The following PCDH15 variants were observed in gnomAD, a reference collection of about 807,000 sequenced individuals.
PCDH15 encodes protocadherin related 15.
A neutral mutation model predicts 178.5 loss-of-function variants in PCDH15; 129 were observed. The ratio of observed to expected loss-of-function variants is 0.72; its 90% CI spans 0.63 to 0.84. The LOEUF is 0.84. Among genes scored for constraint, PCDH15 ranks in the 40% least tolerant of loss-of-function variants. PCDH15 has a pLI of 0.00. For missense variants in PCDH15, 2,230 were observed against 2,099.9 expected (o/e 1.06, Z -1.21); for synonymous variants, 800 against 732.0 (o/e 1.09, Z -1.50).
At position 53,866,814 on chromosome 10, in the gene PCDH15, CTGTAGGCCATGACA is replaced by C; in HGVS notation, c.3531_3544del (p.Ser1177ArgfsTer8). 2 of 1,613,048 alleles carry C rather than the reference CTGTAGGCCATGACA, an allele frequency of 1.2e-6. No individual in the cohort carries two copies. Among genetic ancestry groups the C allele is most frequent in the Non-Finnish European group, 1.7e-6 (2 of 1,179,384 alleles). On this transcript the variant is annotated frameshift_variant, in exon 27 of 38. Coordinates refer to ENST00000644397, the MANE Select transcript of PCDH15 (RefSeq NM_001384140.1). LOFTEE classifies it high-confidence loss of function. ...CTCTTTAATTGGTGGTATTATGAGT[CTGTAGGCCATGACA>C]CTATAATTGCCAGTATCTTTATCAG...
chr10:54,218,315 C>A (rs2052344081), intron 9 of PCDH15, among the ~76,000 whole-genome samples: 1 of 152,098 alleles, frequency 6.6e-6, no homozygotes. Context: ...ACATACATAC[C>A]ACTCAATAGA....
At chr10:55,551,999 C>T (rs1390632256) in intron 2 of PCDH15, among the ~76,000 whole-genome samples, 1 of 151,638 alleles carries the variant, frequency 6.6e-6, no homozygotes, top group Non-Finnish European at 1.5e-5. Flanking sequence ...CACATCTAAA[C>T]TCTCGCTAAA....
intron 9 of PCDH15, among the ~76,000 whole-genome samples, chr10:54,218,240 T>C (rs1311529190): frequency 6.6e-6 from 1 of 152,140 alleles, no homozygotes; most frequent in East Asian, 1.9e-4. Context: ...CAACCCCTCA[T>C]AAATGAATGG....
chr10:53,830,029 C>T (rs865784303), intron 30 of PCDH15, among the ~76,000 whole-genome samples: 13 of 152,188 alleles, frequency 8.5e-5, no homozygotes, highest in South Asian at 4.1e-4. Context: ...ATTGGCTGGG[C>T]GCGGTGGCTC....
intron 18 of PCDH15, among the ~76,000 whole-genome samples, chr10:54,055,631 T>C (rs1362657881): frequency 2.0e-5 from 3 of 152,150 alleles, no homozygotes; most frequent in African/African-American, 7.2e-5. Context: ...CAGACACCTC[T>C]GATATTAGCT....
intron 3 of PCDH15, among the ~76,000 whole-genome samples, chr10:54,417,338 C>G (rs1612430): frequency 6.6e-6 from 1 of 151,870 alleles, no homozygotes; most frequent in African/African-American, 2.4e-5. Flanking sequence ...TTTTCTCTCA[C>G]AGAAGAGGTC....
intron 8 of PCDH15, among the ~76,000 whole-genome samples, chr10:54,277,029 G>A (rs1043153106): frequency 6.6e-6 from 1 of 151,542 alleles, no homozygotes; most frequent in Non-Finnish European, 1.5e-5. Context: ...AAGAGCTGGT[G>A]GAAATTCAGC....
In PCDH15 at chr10:54,753,888, GTT is replaced by G. The variant is rs1946679726; in HGVS notation, c.-29+47035_-29+47036del. 5.5e-4 allele frequency among the ~76,000 whole-genome samples: 20 copies of G among 36,446 alleles called. No individual in the cohort carries two copies. In the South Asian group the frequency reaches 0.014, roughly 26 times the overall value. 23.9% of individuals were successfully genotyped at this position (36,446 alleles called of 152,430 possible). Reference sequence around the variant, plus strand: ...TTTTTTTGTTGTTGTTTTTTTGTTTGTTTGTGTTTTTTTTTTTTTTTTTGAGA... The same window carrying G: ...TTTTTTTGTTGTTGTTTTTTTGTTTGTGTGTTTTTTTTTTTTTTTTTGAGA... On this transcript the variant is annotated intron_variant, in intron 1 of 37. Transcript: ENST00000644397.
intron 21 of PCDH15, among the ~76,000 whole-genome samples, chr10:53,963,484 C>G (rs1474079551): frequency 6.6e-6 from 1 of 152,056 alleles, no homozygotes; most frequent in East Asian, 1.9e-4. Flanking sequence ...ACTCTCGGCC[C>G]CTGGAACCTC....
At chr10:55,427,838 ATTGAT>A (rs1338796207) in intron 2 of PCDH15, among the ~76,000 whole-genome samples, 1 of 152,120 alleles carries the variant, frequency 6.6e-6, no homozygotes, top group Non-Finnish European at 1.5e-5. Context: ...TCACAGTTTT[ATTGAT>A]TTAACTCTCA....
chr10:54,378,974 AT>A, intron 3 of PCDH15, 32 bp from the exon 4 acceptor site: 4 of 1,611,134 alleles, frequency 2.5e-6, no homozygotes, highest in Non-Finnish European at 3.4e-6. Context: ...TTGAAAACAT[AT>A]TCTACTCATA....
At chr10:54,633,710 G>A (rs1453106082) in intron 2 of PCDH15, among the ~76,000 whole-genome samples, 3 of 152,102 alleles carry the variant, frequency 2.0e-5, no homozygotes, top group Non-Finnish European at 2.9e-5. Flanking sequence ...GGAAATGGGA[G>A]TCTTCGTAAT....
At chr10:55,092,367 C>A (rs1008096308) in intron 2 of PCDH15, among the ~76,000 whole-genome samples, 23 of 151,812 alleles carry the variant, frequency 1.5e-4, no homozygotes, top group African/African-American at 3.1e-4. Flanking sequence ...TTTTTAAGAG[C>A]AGCTTGTGAG....
At chr10:54,372,991 A>G (rs1366982023) in intron 4 of PCDH15, among the ~76,000 whole-genome samples, 3 of 151,836 alleles carry the variant, frequency 2.0e-5, no homozygotes, top group African/African-American at 7.2e-5. Flanking sequence ...TCCCACAAAA[A>G]TGTAAAAATT....
At chr10:53,980,270 GT>G in intron 21 of PCDH15, among the ~76,000 whole-genome samples, 1 of 151,768 alleles carries the variant, frequency 6.6e-6, no homozygotes, top group Non-Finnish European at 1.5e-5. Flanking sequence ...TGAACAAGGG[GT>G]AAAAGTAGAC....
intron 3 of PCDH15, among the ~76,000 whole-genome samples, chr10:54,823,306 G>A (rs1953078295): frequency 6.6e-6 from 1 of 151,906 alleles, no homozygotes; most frequent in East Asian, 1.9e-4. Context: ...GCACTGCATG[G>A]CAGTAAACTG....
chr10:54,722,933 T>C lies in PCDH15; in HGVS notation c.-28-58643A>G, dbSNP rs181750655. On this transcript the variant is annotated intron_variant, in intron 1 of 37. Transcript: ENST00000644397. The stretch of plus-strand genomic sequence containing the variant: ...TGGAAAACCATCCTATGCTCATGGA[T>C]TGGAAGAATCAACATCATTAAAGTA... 9.9e-5 allele frequency among the ~76,000 whole-genome samples: 15 copies of C among 151,896 alleles called. No individual in the cohort carries two copies. In the East Asian group the frequency reaches 2.1e-3, roughly 22 times the overall value.
intron 20 of PCDH15, among the ~76,000 whole-genome samples, chr10:54,018,553 T>C (rs559454884): frequency 3.3e-5 from 5 of 152,056 alleles, no homozygotes; most frequent in Non-Finnish European, 7.4e-5. Context: ...AAAGATTAAG[T>C]GAACATAGAT....
Position 55,260,109 on chromosome 10 carries a change from G to T in PCDH15, c.-156+59490C>A, listed in dbSNP as rs1842111082. On this transcript the variant is annotated intron_variant, in intron 1 of 5. Transcript: ENST00000458638. Reference sequence around the variant, plus strand: ...GGAGAGTTAATTTGAGTGAAACATTGTGGGGTCCAAAGCACAAATGGAGTG... The same window carrying T: ...GGAGAGTTAATTTGAGTGAAACATTTTGGGGTCCAAAGCACAAATGGAGTG... 3.3e-5 allele frequency among the ~76,000 whole-genome samples: 5 copies of T among 151,512 alleles called. No homozygotes were observed. In the South Asian group the frequency reaches 8.4e-4, roughly 25 times the overall value.
Sources: gnomAD v4.1 joint callset for allele counts (sites outside exome capture counted in the v4.1 genomes callset) on GRCh38, gnomAD v4.1.1 for gene constraint, MANE v1.5 for transcripts, NCBI Gene and HGNC (gene_info 2026-07-23, HGNC 2026-07-21) for gene names.